The following PHKG1 variants were observed in gnomAD, a reference collection of about 807,000 sequenced individuals.
PHKG1 encodes the protein phosphorylase b kinase gamma catalytic chain, skeletal muscle/heart isoform.
Under a neutral mutation model 50.5 loss-of-function variants are expected in PHKG1, and 48 were observed. That is an observed-to-expected ratio of 0.95 (90% CI 0.75 to 1.21). The LOEUF is 1.21. Ranked by LOEUF, PHKG1 falls within the 50% of genes most tolerant of loss-of-function variation. The pLI is 0.00. For missense variants in PHKG1, 487 were observed against 519.5 expected (o/e 0.94, Z 0.61); for synonymous variants, 204 against 212.8 (o/e 0.96, Z 0.36).
In PHKG1 at chr7:56,081,302, G is replaced by C. The variant is rs774479751; in HGVS notation, c.919-3C>G. The C allele has an allele frequency of 4.4e-6, 7 of 1,603,576 alleles. No homozygotes were observed. In the African/African-American group the frequency reaches 9.4e-5, roughly 21 times the overall value. On this transcript the variant is annotated splice_polypyrimidine_tract_variant and splice_region_variant and intron_variant, in intron 9 of 9. Transcript: ENST00000297373. The surrounding 1 kb of genome is among the most constrained non-coding windows in gnomAD (Gnocchi z 4.6). ...GCCAGCACGGTCAGAGCGATCACCTGCAGGGCCAGGCGGAGAAGCTGGGCT... is the reference window on the plus strand; with the variant it reads ...GCCAGCACGGTCAGAGCGATCACCTCCAGGGCCAGGCGGAGAAGCTGGGCT...
chr7:56,084,213 G>A, intron 4 of PHKG1: 1 of 1,533,900 alleles, frequency 6.5e-7, no homozygotes, highest in Non-Finnish European at 8.7e-7. Flanking sequence ...CACCATTTCT[G>A]TTCCATCTCC....
intron 1 of PHKG1, among the ~76,000 whole-genome samples, chr7:56,089,908 G>A (rs933504087): frequency 2.6e-5 from 4 of 152,004 alleles, no homozygotes; most frequent in Non-Finnish European, 5.9e-5. Flanking sequence ...CAATCTTCCC[G>A]CCTCAGCCTC....
rs77285051 is a variant in PHKG1, at chr7:56,090,863, C to T, written c.-34-1888G>A. 3.8e-3 allele frequency among the ~76,000 whole-genome samples: 574 copies of T among 152,276 alleles called. 5 individuals are homozygous for T. Among genetic ancestry groups the T allele is most frequent in the African/African-American group, 0.013 (538 of 41,560 alleles). ...TGTACACAGAGGCGCTGAGCTACCCCGCTTTGTGTCAGGAACATGGAGGCT... is the reference window on the plus strand; with the variant it reads ...TGTACACAGAGGCGCTGAGCTACCCTGCTTTGTGTCAGGAACATGGAGGCT... On this transcript the variant is annotated intron_variant, in intron 1 of 9. Transcript: ENST00000297373.
chr7:56,091,378 G>A (rs1219854939), intron 1 of PHKG1, among the ~76,000 whole-genome samples: 4 of 151,874 alleles, frequency 2.6e-5, no homozygotes, highest in Admixed American at 2.0e-4. Context: ...TTAGCCGGGC[G>A]TGGTGGCAGG....
chr7:56,088,044 T>C (rs1019870503), intron 2 of PHKG1, among the ~76,000 whole-genome samples: 1 of 147,422 alleles, frequency 6.8e-6, no homozygotes. Flanking sequence ...CTTTTTTTTT[T>C]TTTTTTTTTG....
rs765602938 is a variant in PHKG1, at chr7:56,082,047, C to A, written c.639-1G>T. The A allele has an allele frequency of 6.2e-7, 1 of 1,612,078 alleles. No individual in the cohort carries two copies. The highest frequency in any genetic ancestry group is 1.3e-5 in the African/African-American group (1 of 74,918). On this transcript the variant is annotated splice_acceptor_variant, in intron 7 of 9. Coordinates refer to ENST00000297373, the MANE Select transcript of PHKG1 (RefSeq NM_006213.5). LOFTEE classifies it high-confidence loss of function. ...GTACATGATGACGCCAGTGCTCCAC[C>A]TGGACATGCGAGGGCCCAGGGCCAC...
chr7:56,088,997 G>A (rs1796387213), intron 1 of PHKG1, 22 bp from the exon 2 acceptor site: 2 of 1,232,486 alleles, frequency 1.6e-6, no homozygotes, highest in Admixed American at 1.8e-5. Flanking sequence ...AAAGAAAGAA[G>A]CTGTCAGCCT....
chr7:56,081,206 A>G lies in PHKG1; in HGVS notation c.1012T>C (p.Tyr338His), dbSNP rs1795964529. Residue 338 changes from tyrosine to histidine, a missense_variant, in exon 10 of 10, where the codon TAT becomes CAT. Coordinates refer to ENST00000297373, the MANE Select transcript of PHKG1 (RefSeq NM_006213.5). The surrounding 1 kb of genome is among the most constrained non-coding windows in gnomAD (Gnocchi z 4.6). ...VTREIVIRDP[Y>H]ALRPLRRLID... is the part of the protein sequence containing the mutation. ...AGCCGGCGCAGAGGCCGGAGGGCAT[A>G]GGGGTCTCGGATGACGATCTCCCGG... 6.2e-7 allele frequency: 1 copy of G among 1,613,888 alleles called. No homozygotes were observed. Among genetic ancestry groups the G allele is most frequent in the Non-Finnish European group, 8.5e-7 (1 of 1,179,952 alleles).
At chr7:56,083,966 G>A (rs1270324379) in intron 4 of PHKG1, among the ~76,000 whole-genome samples, 1 of 152,124 alleles carries the variant, frequency 6.6e-6, no homozygotes, top group African/African-American at 2.4e-5. Context: ...CCGAGGAATA[G>A]GCCTAGGTTT....
intron 4 of PHKG1, among the ~76,000 whole-genome samples, chr7:56,085,198 T>G (rs1389329273): frequency 2.0e-5 from 3 of 151,980 alleles, no homozygotes; most frequent in African/African-American, 4.8e-5. Context: ...CGGCTTCATC[T>G]GATCCGCCTG....
intron 4 of PHKG1, 125 bp from the exon 5 acceptor site, chr7:56,083,840 A>G (rs62457291): frequency 0.2 from 141,564 of 704,346 alleles, 15,492 homozygotes; most frequent in Middle Eastern, 0.26. Flanking sequence ...TCCGTGGAGA[A>G]CCACAGTCTG....
At chr7:56,088,711 C>G in intron 2 of PHKG1, 148 bp downstream of exon 2, 2 of 596,756 alleles carry the variant, frequency 3.4e-6, no homozygotes, top group Admixed American at 2.9e-5. Context: ...TTCAGGAGGG[C>G]AGGACCCCAA....
chr7:56,083,690 A>T lies in PHKG1; in HGVS notation c.343T>A (p.Tyr115Asn). 1.3e-6 allele frequency: 2 copies of T among 1,584,060 alleles called. No homozygotes were observed. The highest frequency in any genetic ancestry group is 1.7e-6 in the Non-Finnish European group (2 of 1,162,164). ...DLMKRGELFDYLTEKVTLSEK... is the reference protein window; with the variant it reads ...DLMKRGELFDNLTEKVTLSEK... ...CTCAAGGTGACCTTCTCAGTGAGGTAGTCAAAGAGCTCCCCTCTCTTCATC... is the reference window on the plus strand; with the variant it reads ...CTCAAGGTGACCTTCTCAGTGAGGTTGTCAAAGAGCTCCCCTCTCTTCATC... Residue 115 changes from tyrosine to asparagine, a missense_variant, in exon 5 of 10, where the codon TAC becomes AAC. By Grantham distance (143) the Tyr-to-Asn change is moderately radical (BLOSUM62 -2). Transcript: ENST00000297373.
intron 4 of PHKG1, among the ~76,000 whole-genome samples, chr7:56,086,637 C>G (rs1796263771): frequency 1.3e-5 from 2 of 152,098 alleles, no homozygotes; most frequent in African/African-American, 4.8e-5. Flanking sequence ...CTCAGCCTCC[C>G]AAACTGCTGG....
intron 1 of PHKG1, among the ~76,000 whole-genome samples, chr7:56,089,576 G>C (rs889169956): frequency 6.7e-6 from 1 of 148,916 alleles, no homozygotes; most frequent in Non-Finnish European, 1.5e-5. Flanking sequence ...GAGTGCAGTG[G>C]CACAATCTTG....
intron 4 of PHKG1, among the ~76,000 whole-genome samples, chr7:56,085,741 G>A (rs1433183427): frequency 6.6e-6 from 1 of 151,626 alleles, no homozygotes; most frequent in East Asian, 2.0e-4. Context: ...GAGGCGAGTG[G>A]ATCACTTGAG....
At chr7:56,087,510 G>A in intron 3 of PHKG1, 88 bp downstream of exon 3, 2 of 1,326,080 alleles carry the variant, frequency 1.5e-6, no homozygotes, top group Non-Finnish European at 2.1e-6. Context: ...CTAGTTGGCT[G>A]TGCGGTGGGG....
At chr7:56,089,416 T>A (rs559928485) in intron 1 of PHKG1, among the ~76,000 whole-genome samples, 1 of 140,220 alleles carries the variant, frequency 7.1e-6, no homozygotes, top group Admixed American at 7.3e-5. Context: ...AAAAAAATCT[T>A]TGTAGAGATG....
intron 4 of PHKG1, chr7:56,084,052 C>A (rs955277412): frequency 2.9e-6 from 2 of 692,880 alleles, no homozygotes; most frequent in Non-Finnish European, 4.8e-6. Flanking sequence ...CAGCTAAGTC[C>A]CCTCCCCAGG....
Sources: gnomAD v4.1 joint callset for allele counts (sites outside exome capture counted in the v4.1 genomes callset) on GRCh38, gnomAD v4.1.1 for gene constraint, Gnocchi (gnomAD v3.1) non-coding constraint, MANE v1.5 for transcripts, NCBI Gene and HGNC (gene_info 2026-07-23, HGNC 2026-07-21) for gene names.